Variants in BHMT2 observed in about 807,000 individuals in gnomAD.
BHMT2 encodes betaine--homocysteine S-methyltransferase 2, also known as S-methylmethionine--homocysteine S-methyltransferase BHMT2.
Under a neutral mutation model 39.0 loss-of-function variants are expected in BHMT2, and 28 were observed. The ratio of observed to expected loss-of-function variants is 0.72; its 90% confidence interval spans 0.53 to 0.98. BHMT2 has a LOEUF of 0.98. BHMT2 is among the 50% of genes least tolerant of loss of function. BHMT2 has a pLI of 0.00. For synonymous variants in BHMT2, 145 were observed against 160.6 expected (o/e 0.90, Z 0.74); for missense variants, 410 against 455.6 (o/e 0.90, Z 0.91).
At chr5:79,070,041 C>A (rs933250666) in intron 1 of BHMT2, among the ~76,000 whole-genome samples, 2 of 152,232 alleles carry the variant, frequency 1.3e-5, no homozygotes, top group Admixed American at 6.5e-5. Context: ...GTTATCTCCT[C>A]ATCTTCACAA....
rs141648685 is a variant in BHMT2, at chr5:79,079,371, C to T, written c.169C>T (p.Arg57Cys). 58 of 1,609,088 alleles carry T rather than the reference C, an allele frequency of 3.6e-5. No homozygotes were observed. The African/African-American group carries it at 4.4e-4, about 12-fold the overall frequency. ...TTTAAAACCCAACTACTTTGTAGTT[C>T]GTCAACTTCACATGGAATTCTTGAG... ...EAVIEHPDAVRQLHMEFLRAG... is the reference protein window; with the variant it reads ...EAVIEHPDAVCQLHMEFLRAG... Residue 57 changes from arginine to cysteine, a missense_variant and splice_region_variant, in exon 3 of 8, where the codon CGT becomes TGT. Arg to Cys is a radical substitution (Grantham distance 180). Transcript: ENST00000255192.
At chr5:79,077,077 G>T (rs1418689684) in intron 1 of BHMT2, among the ~76,000 whole-genome samples, 1 of 152,208 alleles carries the variant, frequency 6.6e-6, no homozygotes, top group Non-Finnish European at 1.5e-5. Flanking sequence ...TCACAGGGCT[G>T]CTCCCAGAGG....
chr5:79,079,929 C>G (rs994127956), intron 3 of BHMT2, among the ~76,000 whole-genome samples: 3 of 152,176 alleles, frequency 2.0e-5, no homozygotes, highest in African/African-American at 7.2e-5. Context: ...AATGAATTAG[C>G]TTTCTCTTCC....
intron 1 of BHMT2, among the ~76,000 whole-genome samples, chr5:79,075,853 AC>A (rs34020754): frequency 6.6e-6 from 1 of 152,108 alleles, no homozygotes; most frequent in Non-Finnish European, 1.5e-5. Flanking sequence ...CACAGCTTAA[AC>A]CCCTAGGGGG....
intron 7 of BHMT2, among the ~76,000 whole-genome samples, chr5:79,086,664 T>C (rs2112705698): frequency 6.6e-6 from 1 of 152,302 alleles, no homozygotes; most frequent in Non-Finnish European, 1.5e-5. Flanking sequence ...TTTCTTCTCT[T>C]GCATTCCCGT....
Position 79,082,949 on chromosome 5 carries a change from G to A in BHMT2, c.591G>A (p.Val197=), listed in dbSNP as rs182885881. Residue 197 remains valine (V), a synonymous_variant, in exon 5 of 8, where the codon GTG becomes GTA. Coordinates refer to ENST00000255192, the MANE Select transcript of BHMT2 (RefSeq NM_017614.5). ...ITPGECAVRL[V]KAGASIVGVN... ...CCGGAGAATGTGCTGTGAGGCTGGT[G>A]AAGGCAGGTAATTTGGACCCATACC... 366 of 1,614,134 alleles carry A rather than the reference G, an allele frequency of 2.3e-4. 3 individuals are homozygous for A. In the East Asian group the frequency reaches 5.0e-3, roughly 22 times the overall value.
In BHMT2 at chr5:79,079,359, T is replaced by C. The variant is rs985796774; in HGVS notation, c.167-10T>C. 5.0e-6 allele frequency: 8 copies of C among 1,593,564 alleles called. No individual in the cohort carries two copies. Among genetic ancestry groups the C allele is most frequent in the Admixed American group, 3.4e-5 (2 of 58,864 alleles). ...TTTATTTCAATGTTTAAAACCCAAC[T>C]ACTTTGTAGTTCGTCAACTTCACAT... On this transcript the variant is annotated splice_polypyrimidine_tract_variant and intron_variant, in intron 2 of 7. Transcript: ENST00000255192.
chr5:79,084,857 C>T (rs778479354), intron 7 of BHMT2, among the ~76,000 whole-genome samples: 23 of 152,118 alleles, frequency 1.5e-4, no homozygotes, highest in African/African-American at 3.1e-4. Flanking sequence ...AGTTTTGATT[C>T]GTTACACTTT....
chr5:79,072,412 C>T (rs1163506767), intron 1 of BHMT2, among the ~76,000 whole-genome samples: 1 of 152,168 alleles, frequency 6.6e-6, no homozygotes, highest in Non-Finnish European at 1.5e-5. Context: ...TTAAAACCTA[C>T]CTAATTGTCT....
At chr5:79,070,371 G>A (rs1755540000) in intron 1 of BHMT2, among the ~76,000 whole-genome samples, 1 of 152,128 alleles carries the variant, frequency 6.6e-6, no homozygotes, top group Non-Finnish European at 1.5e-5. Flanking sequence ...TGGAGGGTAG[G>A]TGGGATTCGC....
chr5:79,087,535 A>C (rs1755925161), intron 7 of BHMT2, among the ~76,000 whole-genome samples: 1 of 152,146 alleles, frequency 6.6e-6, no homozygotes, highest in South Asian at 2.1e-4. Context: ...AAACCTACTG[A>C]TATTCACAGA....
intron 1 of BHMT2, among the ~76,000 whole-genome samples, chr5:79,076,039 G>A (rs777699849): frequency 6.6e-5 from 10 of 152,164 alleles, no homozygotes; most frequent in South Asian, 2.1e-4. Context: ...TCTGTATCCT[G>A]GGGTTCTTGC....
chr5:79,070,389 C>A (rs1207787122), intron 1 of BHMT2, among the ~76,000 whole-genome samples: 1 of 152,118 alleles, frequency 6.6e-6, no homozygotes, highest in African/African-American at 2.4e-5. Context: ...CGCTAGCACC[C>A]CTCAACCTCC....
intron 7 of BHMT2, 129 bp from the exon 8 acceptor site, chr5:79,088,364 G>GTGTA: frequency 8.2e-6 from 4 of 487,278 alleles, no homozygotes; most frequent in Non-Finnish European, 1.4e-5. Flanking sequence ...TTGACTGTGT[G>GTGTA]TGTGTGTGTG....
intron 1 of BHMT2, among the ~76,000 whole-genome samples, chr5:79,076,692 T>TCA (rs10680320): frequency 2.4e-4 from 1 of 4,092 alleles, no homozygotes; most frequent in African/African-American, 2.7e-3. Context: ...ATAAAAACTG[T>TCA]GTCCTGCCTC....
intron 7 of BHMT2, 22 bp downstream of exon 7, chr5:79,083,878 T>A (rs758943612): frequency 1.3e-6 from 2 of 1,585,268 alleles, no homozygotes; most frequent in Admixed American, 1.8e-5. Context: ...TAAATTAACA[T>A]TCTTATTATT....
intron 7 of BHMT2, among the ~76,000 whole-genome samples, chr5:79,088,098 T>G (rs1159185668): frequency 6.6e-6 from 1 of 152,172 alleles, no homozygotes; most frequent in Non-Finnish European, 1.5e-5. Context: ...GAGGATTGCT[T>G]GAATCCAGGA....
chr5:79,077,800 A>T (rs1755700684), intron 2 of BHMT2, 188 bp downstream of exon 2: 3 of 567,594 alleles, frequency 5.3e-6, no homozygotes, highest in Non-Finnish European at 8.8e-6. Context: ...TCTCTCTCTC[A>T]TACACACACC....
intron 1 of BHMT2, among the ~76,000 whole-genome samples, chr5:79,077,239 G>A (rs1435390131): frequency 6.6e-6 from 1 of 152,190 alleles, no homozygotes; most frequent in Non-Finnish European, 1.5e-5. Context: ...GCTATAATTT[G>A]ACTCAGATTA....
Sources: gnomAD v4.1 joint callset for allele counts (sites outside exome capture counted in the v4.1 genomes callset) on GRCh38, gnomAD v4.1.1 for gene constraint, MANE v1.5 for transcripts, NCBI Gene and HGNC (gene_info 2026-07-23, HGNC 2026-07-21) for gene names.